VAX2: variants seen among roughly 807,000 people sequenced by gnomAD.
The protein encoded by VAX2 is ventral anterior homeobox 2.
In VAX2, 8 loss-of-function variants were observed where a neutral mutation model predicts 12.5. That is an observed-to-expected ratio of 0.64 (90% CI 0.37 to 1.15). The LOEUF (loss-of-function observed/expected upper bound fraction) is 1.15, where lower values mean the gene tolerates loss of function less well. Among genes scored for constraint, VAX2 ranks in the 50% most tolerant of loss-of-function variants. VAX2 has a pLI of 0.01. For synonymous variants in VAX2, 183 were observed against 187.6 expected (o/e 0.98, Z 0.20); for missense variants, 476 against 412.9 (o/e 1.15, Z -1.32).
chr2:70,930,432 C>T (rs2104788538), intron 2 of VAX2, among the ~76,000 whole-genome samples: 1 of 152,320 alleles, frequency 6.6e-6, no homozygotes, highest in Non-Finnish European at 1.5e-5. Context: ...CCACTCTTTA[C>T]CTCCTCCCAG....
chr2:70,922,263 A>G (rs1272983638), intron 2 of VAX2, among the ~76,000 whole-genome samples: 1 of 152,226 alleles, frequency 6.6e-6, no homozygotes, highest in Non-Finnish European at 1.5e-5. Context: ...ACGACGGCCA[A>G]AACAGGATTG....
rs1417924738 is a variant in VAX2, at chr2:70,915,209, C to A, written c.248-5889C>A. On this transcript the variant is annotated intron_variant, in intron 1 of 2. Transcript: ENST00000234392. ...TTAGCTTTAATATAGTCAAATACAT[C>A]CTTTGTGTTTCCTTTACAGCCTCCA... Among the ~76,000 whole-genome samples, 6 of 151,710 alleles carry A rather than the reference C, an allele frequency of 4.0e-5. 1 individual carries two copies. The highest frequency in any genetic ancestry group is 1.2e-4 in the African/African-American group (5 of 41,260).
In VAX2 at chr2:70,904,091, C is replaced by T. The variant is rs1036208923; in HGVS notation, c.247+3223C>T. On this transcript the variant is annotated intron_variant, in intron 1 of 2. Coordinates refer to ENST00000234392, the MANE Select transcript of VAX2 (RefSeq NM_012476.3). This position sits in a 1 kb window ranked among gnomAD's most constrained non-coding sequence, Gnocchi z 4.2. ...TAGGCCGGGCGCATAACAGGCACCCCGCACATCGCACCGCGGACGCAGCGA... is the reference window on the plus strand; with the variant it reads ...TAGGCCGGGCGCATAACAGGCACCCTGCACATCGCACCGCGGACGCAGCGA... 5.3e-5 allele frequency among the ~76,000 whole-genome samples: 8 copies of T among 152,234 alleles called. No homozygotes were observed. The highest frequency in any genetic ancestry group is 8.8e-5 in the Non-Finnish European group (6 of 68,050).
chr2:70,910,798 A>AC (rs1269965300), intron 1 of VAX2, among the ~76,000 whole-genome samples: 1 of 129,122 alleles, frequency 7.7e-6, no homozygotes, highest in Non-Finnish European at 1.7e-5. Flanking sequence ...AAAAAAACAA[A>AC]ACAAAACAAA....
At chr2:70,903,571 G>T (rs1365605191) in intron 1 of VAX2, among the ~76,000 whole-genome samples, 1 of 152,176 alleles carries the variant, frequency 6.6e-6, no homozygotes, top group Non-Finnish European at 1.5e-5. Flanking sequence ...CTCTTTGCTT[G>T]TTTCCTTATC....
At chr2:70,906,477 G>T (rs1474277816) in intron 1 of VAX2, among the ~76,000 whole-genome samples, 9 of 146,866 alleles carry the variant, frequency 6.1e-5, no homozygotes, top group Non-Finnish European at 8.9e-5. Flanking sequence ...CTCCCCCGTG[G>T]CCTTAACATC....
chr2:70,917,416 G>A (rs1394155760), intron 1 of VAX2, among the ~76,000 whole-genome samples: 2 of 152,010 alleles, frequency 1.3e-5, no homozygotes, highest in African/African-American at 4.8e-5. Flanking sequence ...GGGTTGTAGG[G>A]TAAGTATATT....
At position 70,903,551 on chromosome 2, in the gene VAX2, T is replaced by G. The variant is rs1174257315; in HGVS notation, c.247+2683T>G. Among the ~76,000 whole-genome samples the G allele has an allele frequency of 2.0e-5, 3 of 152,200 alleles. No individual in the cohort carries two copies. The East Asian group carries it at 5.8e-4, about 29-fold the overall frequency. On this transcript the variant is annotated intron_variant, in intron 1 of 2. Transcript: ENST00000234392. ...TATAGCCCTTTAAACCTGAACCAGTTTCTTTGTTTCTCTTTGCTTGTTTCC... is the reference window on the plus strand; with the variant it reads ...TATAGCCCTTTAAACCTGAACCAGTGTCTTTGTTTCTCTTTGCTTGTTTCC...
chr2:70,910,848 G>A (rs1679167231), intron 1 of VAX2, among the ~76,000 whole-genome samples: 2 of 147,372 alleles, frequency 1.4e-5, no homozygotes. Flanking sequence ...TTTCTTTGTG[G>A]GATTTTTTTT....
intron 2 of VAX2, among the ~76,000 whole-genome samples, chr2:70,925,231 C>T (rs1679541851): frequency 6.6e-6 from 1 of 152,150 alleles, no homozygotes; most frequent in Non-Finnish European, 1.5e-5. Context: ...CTCTGGCTGC[C>T]ACTTGGGGAA....
chr2:70,910,030 G>T (rs1460160309), intron 1 of VAX2, among the ~76,000 whole-genome samples: 1 of 151,998 alleles, frequency 6.6e-6, no homozygotes, highest in Non-Finnish European at 1.5e-5. Flanking sequence ...GTAAAACCAG[G>T]TGGGATATTT....
chr2:70,908,564 T>G (rs961005160), intron 1 of VAX2, among the ~76,000 whole-genome samples: 1 of 152,258 alleles, frequency 6.6e-6, no homozygotes, highest in Non-Finnish European at 1.5e-5. Flanking sequence ...AGTACCCTAT[T>G]TGTGGACATT....
chr2:70,909,648 T>C (rs2104763226), intron 1 of VAX2, among the ~76,000 whole-genome samples: 1 of 152,306 alleles, frequency 6.6e-6, no homozygotes, highest in South Asian at 2.1e-4. Flanking sequence ...TTTTTTGCAA[T>C]GACTTTTTTC....
chr2:70,914,836 G>A (rs571833232), intron 1 of VAX2, among the ~76,000 whole-genome samples: 7 of 147,414 alleles, frequency 4.7e-5, no homozygotes, highest in African/African-American at 1.5e-4. Flanking sequence ...AGAGTCTCAC[G>A]GTATTGCCAG....
chr2:70,932,350 G>T (rs1280743813), intron 2 of VAX2, among the ~76,000 whole-genome samples: 1 of 152,118 alleles, frequency 6.6e-6, no homozygotes, highest in Non-Finnish European at 1.5e-5. Flanking sequence ...CAGATCTCTG[G>T]GCCTGAGGTA....
chr2:70,909,404 A>T (rs1174403176), intron 1 of VAX2, among the ~76,000 whole-genome samples: 2 of 152,028 alleles, frequency 1.3e-5, no homozygotes, highest in Non-Finnish European at 2.9e-5. Context: ...GTTTCACCAT[A>T]TTGAGGAGGC....
chr2:70,916,114 C>T (rs566139575), intron 1 of VAX2, among the ~76,000 whole-genome samples: 4 of 152,254 alleles, frequency 2.6e-5, no homozygotes, highest in East Asian at 3.9e-4. Context: ...GAGACACTAT[C>T]GTGTTTTTTC....
At chr2:70,914,381 G>A (rs996636759) in intron 1 of VAX2, among the ~76,000 whole-genome samples, 10 of 152,084 alleles carry the variant, frequency 6.6e-5, no homozygotes, top group South Asian at 2.1e-4. Context: ...CCCGGGAGGC[G>A]GAGGCTGCAG....
At chr2:70,927,241 C>T (rs1329163796) in intron 2 of VAX2, among the ~76,000 whole-genome samples, 1 of 151,930 alleles carries the variant, frequency 6.6e-6, no homozygotes, top group Non-Finnish European at 1.5e-5. Flanking sequence ...GATGTGGCTG[C>T]AGAGGAAAGG....
Sources: allele counts gnomAD v4.1 joint callset (sites outside exome capture counted in the v4.1 genomes callset), GRCh38; gene constraint gnomAD v4.1.1; non-coding constraint Gnocchi (gnomAD v3.1); transcripts MANE v1.5; gene names NCBI Gene and HGNC (gene_info 2026-07-23, HGNC 2026-07-21).